The following TGIF1 variants were observed in gnomAD, a reference collection of about 807,000 sequenced individuals.
TGIF1 encodes the protein homeobox protein TGIF1.
TGIF1 carries 4 observed loss-of-function variants against 19.3 expected under a neutral mutation model. The observed-to-expected ratio is 0.21, with a 90% CI of 0.10 to 0.47. The LOEUF (loss-of-function observed/expected upper bound fraction) is 0.47, where lower values mean the gene tolerates loss of function less well. Ranked by LOEUF, TGIF1 falls within the 20% of genes least tolerant of loss-of-function variation. The pLI is 0.98. For missense variants in TGIF1, 275 were observed against 341.4 expected (o/e 0.81, Z 1.53); for synonymous variants, 122 against 129.3 (o/e 0.94, Z 0.38).
chr18:3,430,140 G>C (rs1211117943), intron 2 of TGIF1, among the ~76,000 whole-genome samples: 1 of 152,204 alleles, frequency 6.6e-6, no homozygotes, highest in African/African-American at 2.4e-5. Context: ...GGGTGACAGA[G>C]TAAGACTGTC....
intron 2 of TGIF1, among the ~76,000 whole-genome samples, chr18:3,443,582 G>A (rs1004062637): frequency 2.0e-5 from 3 of 152,006 alleles, no homozygotes; most frequent in Admixed American, 2.0e-4. Context: ...ATAATAATGA[G>A]AACTTTTTTT....
upstream of TGIF1, chr18:3,449,538 T>TACCC: frequency 3.3e-5 from 32 of 961,920 alleles, no homozygotes; most frequent in South Asian, 4.9e-5. Flanking sequence ...GTCTCATCAT[T>TACCC]CCCCCCCGCC....
rs539037132 is a variant in TGIF1, at chr18:3,457,688, C to G, written c.567C>G (p.Cys189Trp). The change falls in exon 3 of 3, where the codon TGC becomes TGG. Residue 189 changes from cysteine (C) to tryptophan (W), a missense_variant. Coordinates refer to ENST00000343820, the MANE Select transcript of TGIF1 (RefSeq NM_003244.4). The surrounding 1 kb of genome is among the most constrained non-coding windows in gnomAD (Gnocchi z 4.9). ...TALKDVPFSL[C>W]QSVGVGQNTD... ...TGAAAGATGTCCCTTTCTCTCTCTG[C>G]CAGTCGGTCGGTGTGGGACAAAACA... 2 of 1,614,216 alleles carry G rather than the reference C, an allele frequency of 1.2e-6. No homozygotes were observed. The highest frequency in any genetic ancestry group is 2.7e-5 in the African/African-American group (2 of 75,044).
intron 1 of TGIF1, among the ~76,000 whole-genome samples, chr18:3,416,472 C>T (rs945478146): frequency 4.6e-5 from 7 of 151,796 alleles, no homozygotes; most frequent in South Asian, 2.1e-4. Flanking sequence ...GCCGAGATCA[C>T]GCCACTGCAC....
chr18:3,439,466 C>G (rs1301793363), intron 2 of TGIF1, among the ~76,000 whole-genome samples: 1 of 151,854 alleles, frequency 6.6e-6, no homozygotes, highest in African/African-American at 2.4e-5. Context: ...GCCTCAGCCA[C>G]CCGATTAGCT....
intron 1 of TGIF1, among the ~76,000 whole-genome samples, chr18:3,452,675 C>G (rs553689120): frequency 6.6e-6 from 1 of 152,162 alleles, no homozygotes; most frequent in African/African-American, 2.4e-5. Context: ...CTCCCTCTCC[C>G]CGTGCTCCTC....
At chr18:3,455,181 T>G (rs1251197860) in intron 1 of TGIF1, 1 of 152,178 alleles carries the variant, frequency 6.6e-6, no homozygotes, top group Admixed American at 6.5e-5. Flanking sequence ...ATTTCTGTTT[T>G]TAAGATTCTA....
At chr18:3,415,892 A>G (rs973578122) in intron 1 of TGIF1, among the ~76,000 whole-genome samples, 2 of 152,230 alleles carry the variant, frequency 1.3e-5, no homozygotes, top group Non-Finnish European at 2.9e-5. Flanking sequence ...ACAGACTTTT[A>G]TACTTGAACG....
chr18:3,454,717 C>G (rs193261559), intron 1 of TGIF1, among the ~76,000 whole-genome samples: 1 of 152,282 alleles, frequency 6.6e-6, no homozygotes, highest in Admixed American at 6.5e-5. Flanking sequence ...ATTTCAAATA[C>G]ATGGCAGTTA....
At chr18:3,441,204 A>G (rs1568039270) in intron 2 of TGIF1, among the ~76,000 whole-genome samples, 1 of 152,222 alleles carries the variant, frequency 6.6e-6, no homozygotes, top group Admixed American at 6.5e-5. Context: ...TTATGCCTGA[A>G]TGTGCTACAA....
chr18:3,452,497 G>C (rs922006828), intron 1 of TGIF1: 12 of 1,481,658 alleles, frequency 8.1e-6, no homozygotes, highest in Non-Finnish European at 1.8e-6. Context: ...GAGTCGTCTG[G>C]GGTGGGCAGG....
chr18:3,450,249 G>A lies in TGIF1; in HGVS notation c.-241G>A, dbSNP rs2082861635. The stretch of plus-strand genomic sequence containing the variant: ...GAGGGGAGGGGAGAGAGTTGGGCGA[G>A]GGAGAGCCCCCGGCCGGCTGCCAGA... On this transcript the variant is annotated 5_prime_UTR_variant, in exon 1 of 3. Transcript: ENST00000343820. 1 of 1,428,526 alleles carries A rather than the reference G, an allele frequency of 7.0e-7. No individual in the cohort carries two copies. The highest frequency in any genetic ancestry group is 2.4e-4 in the Middle Eastern group (1 of 4,226). The allele number at this position is 1,428,526 out of a possible 1,614,324, so 88.5% of individuals were successfully genotyped here. A position where few individuals can be genotyped will look rare whatever the true frequency, so the allele number is the denominator to read the frequency against.
At chr18:3,431,506 G>A (rs2082546925) in intron 2 of TGIF1, among the ~76,000 whole-genome samples, 1 of 151,908 alleles carries the variant, frequency 6.6e-6, no homozygotes, top group Non-Finnish European at 1.5e-5. Context: ...AATAGTAATG[G>A]ATTTTTAACC....
intron 1 of TGIF1, among the ~76,000 whole-genome samples, chr18:3,414,937 A>C (rs2082312059): frequency 1.3e-5 from 2 of 152,236 alleles, no homozygotes. Context: ...AGAAAGATCA[A>C]GGAGAAAGTG....
At chr18:3,414,208 T>G (rs2082303510) in intron 1 of TGIF1, among the ~76,000 whole-genome samples, 1 of 152,240 alleles carries the variant, frequency 6.6e-6, no homozygotes, top group South Asian at 2.1e-4. Context: ...TGTTAAGTAA[T>G]TATTCTCACT....
chr18:3,440,907 T>C (rs1295052482), intron 2 of TGIF1, among the ~76,000 whole-genome samples: 2 of 152,216 alleles, frequency 1.3e-5, no homozygotes, highest in Non-Finnish European at 2.9e-5. Context: ...AATACAGGCA[T>C]ACAAAAATTT....
At chr18:3,455,506 T>C (rs1234864140) in intron 1 of TGIF1, 1 of 152,252 alleles carries the variant, frequency 6.6e-6, no homozygotes, top group African/African-American at 2.4e-5. Context: ...TGCTTATTGA[T>C]ATGTAGTATT....
rs564194931 is a variant in TGIF1, at chr18:3,437,591, A to C, written c.-44-18763A>C. ...TATTAGAGAGAAAGCTTTTTTCTAA[A>C]CAGCAATTTTCGTATGAAAAACAGA... On this transcript the variant is annotated intron_variant, in intron 2 of 3. Transcript: ENST00000401449. Among the ~76,000 whole-genome samples the C allele has an allele frequency of 2.0e-5, 3 of 152,330 alleles. No individual in the cohort carries two copies. In the East Asian group the frequency reaches 5.8e-4, roughly 29 times the overall value.
At chr18:3,420,397 A>G (rs1321540165) in intron 2 of TGIF1, among the ~76,000 whole-genome samples, 2 of 152,070 alleles carry the variant, frequency 1.3e-5, no homozygotes, top group African/African-American at 4.8e-5. Context: ...AAAAAATAAT[A>G]TTAATAAAAC....
Sources: allele counts gnomAD v4.1 joint callset (sites outside exome capture counted in the v4.1 genomes callset), GRCh38; gene constraint gnomAD v4.1.1; non-coding constraint Gnocchi (gnomAD v3.1); transcripts MANE v1.5; gene names NCBI Gene and HGNC (gene_info 2026-07-23, HGNC 2026-07-21).